PAEP: variants seen among roughly 807,000 people sequenced by gnomAD.
PAEP encodes the protein glycodelin.
Under a neutral mutation model 23.0 loss-of-function variants are expected in PAEP, and 28 were observed. That is an observed-to-expected ratio of 1.22 (90% CI 0.90 to 1.67). The LOEUF is 1.67. Among genes scored for constraint, PAEP ranks in the 40% most tolerant of loss-of-function variants. PAEP has a pLI of 0.00. For missense variants in PAEP, 209 were observed against 226.4 expected, an observed-to-expected ratio of 0.92 and a Z score of 0.49; for synonymous variants, 103 against 92.4, an observed-to-expected ratio of 1.12 and a Z score of -0.66.
At chr9:135,562,620 G>T (rs1008330903) in intron 2 of PAEP, among the ~76,000 whole-genome samples, 187 bp downstream of exon 2, 17 of 152,154 alleles carry the variant, frequency 1.1e-4, no homozygotes, top group Non-Finnish European at 1.9e-4. Flanking sequence ...CTGTCCCCTT[G>T]GATCCCCTGC....
At chr9:135,565,858 G>A (rs1832556416) in intron 6 of PAEP, 57 bp downstream of exon 6, 2 of 1,600,324 alleles carry the variant, frequency 1.2e-6, no homozygotes, top group Non-Finnish European at 1.7e-6. Context: ...CCCACTGTCT[G>A]CGGCTGCCTC....
Position 135,565,309 on chromosome 9 carries a change from G to C in PAEP, c.422-101G>C, listed in dbSNP as rs550272886. The C allele has an allele frequency of 4.1e-5, 40 of 965,914 alleles. No individual in the cohort carries two copies. In the African/African-American group the frequency reaches 5.8e-4, roughly 14 times the overall value. 59.8% of individuals were successfully genotyped at this position (965,914 alleles called of 1,614,324 possible). On this transcript the variant is annotated intron_variant, in intron 4 of 6. Coordinates refer to ENST00000479141, the MANE Select transcript of PAEP (RefSeq NM_002571.4). ...AACTCTGCCAGACCTCGGAGCACTGGGGCCTCCTTCTCTGCCCTCCCTCCT... is the reference window on the plus strand; with the variant it reads ...AACTCTGCCAGACCTCGGAGCACTGCGGCCTCCTTCTCTGCCCTCCCTCCT...
Position 135,565,526 on chromosome 9 carries a change from C to T in PAEP, c.526+12C>T. 1 of 1,605,638 alleles carries T rather than the reference C, an allele frequency of 6.2e-7. No homozygotes were observed. Among genetic ancestry groups the T allele is most frequent in the Non-Finnish European group, 8.5e-7 (1 of 1,172,310 alleles). ...GAAACAGATGGAAGGTGAGCTCTGC[C>T]TAGGACACGCCCAGCCTCAGCTGGA... is the stretch of plus-strand genomic sequence containing the variant. On this transcript the variant is annotated intron_variant, in intron 5 of 6. Transcript: ENST00000479141.
chr9:135,564,499 T>A, intron 4 of PAEP, 145 bp downstream of exon 4: 1 of 1,459,148 alleles, frequency 6.9e-7, no homozygotes, highest in South Asian at 1.5e-5. Context: ...TTTTTATTTG[T>A]TTGTTGTTTG....
rs1832506119 is a variant in PAEP at position 135,564,898 on chromosome 9, C to T, written c.422-512C>T. 45 of 984,042 alleles carry T rather than the reference C, an allele frequency of 4.6e-5. 1 individual carries two copies. Among genetic ancestry groups the T allele is most frequent in the Non-Finnish European group, 5.4e-5 (45 of 828,746 alleles). 61.0% of individuals were successfully genotyped at this position (984,042 alleles called of 1,614,324 possible). ...GACGGTCGCCAGTCAAGGGGCTGGG[C>T]TTGGTGGATAGATTAATACTCACTG... is the stretch of plus-strand genomic sequence containing the variant. On this transcript the variant is annotated intron_variant, in intron 4 of 6. Transcript: ENST00000479141.
chr9:135,564,154 C>T (rs1832464894), intron 3 of PAEP, 90 bp from the exon 4 acceptor site: 2 of 1,514,288 alleles, frequency 1.3e-6, no homozygotes, highest in African/African-American at 1.4e-5. Context: ...GAGGAAGCCA[C>T]TTAGTGTGGT....
intron 5 of PAEP, 29 bp from the exon 6 acceptor site, chr9:135,565,756 C>T: frequency 6.2e-7 from 1 of 1,613,922 alleles, no homozygotes; most frequent in East Asian, 2.2e-5. Flanking sequence ...CTCTCGCTGA[C>T]ACCTCCACTG....
In PAEP at chr9:135,562,359, G is replaced by A. The variant is rs749315616; in HGVS notation, c.162G>A (p.Lys54=). The A allele has an allele frequency of 2.5e-6, 4 of 1,614,142 alleles. No individual in the cohort carries two copies. The highest frequency in any genetic ancestry group is 3.4e-6 in the Non-Finnish European group (4 of 1,180,016). The change falls in exon 2 of 7, where the codon AAG becomes AAA. Residue 54 remains lysine, a synonymous_variant. Coordinates refer to ENST00000479141, the MANE Select transcript of PAEP (RefSeq NM_002571.4). ...TNNISLMATL[K]APLRVHITSL... ...ACATCTCCCTCATGGCGACACTGAA[G>A]GCCCCTCTGAGGGTCCACATCACCT...
At chr9:135,562,248 G>A (rs996064711) in intron 1 of PAEP, 46 bp from the exon 2 acceptor site, 3 of 1,600,174 alleles carry the variant, frequency 1.9e-6, no homozygotes, top group African/African-American at 2.7e-5. Context: ...GGTGCAACGA[G>A]AGCCATGGTG....
At chr9:135,564,881 C>T (rs11103063) in intron 4 of PAEP, 172,921 of 984,812 alleles carry the variant, frequency 0.18, 16,401 homozygotes, top group South Asian at 0.24. Context: ...GGGACGGTCG[C>T]CAGTCAAGGG....
chr9:135,565,582 C>G, intron 5 of PAEP, 68 bp downstream of exon 5: 4 of 1,478,848 alleles, frequency 2.7e-6, no homozygotes, highest in Non-Finnish European at 3.8e-6. Flanking sequence ...AGCCCGAGCC[C>G]CCTGCTGGCT....
intron 3 of PAEP, 100 bp downstream of exon 3, chr9:135,562,993 C>T (rs1447379918): frequency 1.9e-5 from 16 of 849,392 alleles, no homozygotes; most frequent in Admixed American, 5.5e-5. Context: ...GGGGCCTGGC[C>T]TGTCCCCACT....
At chr9:135,564,578 A>G (rs1213360129) in intron 4 of PAEP, 1 of 785,704 alleles carries the variant, frequency 1.3e-6, no homozygotes, top group Non-Finnish European at 1.5e-6. Context: ...ATCTCGGCTC[A>G]CTGCAACTTC....
chr9:135,565,558 G>C lies in PAEP; in HGVS notation c.526+44G>C, dbSNP rs2119046489. ...ACGCCCAGCCTCAGCTGGAGGAGAA[G>C]CTGCCTCTTTCTTAGCCCGAGCCCC... is the stretch of plus-strand genomic sequence containing the variant. On this transcript the variant is annotated intron_variant, in intron 5 of 6. Transcript: ENST00000479141. 1.9e-6 allele frequency: 3 copies of C among 1,564,056 alleles called. No individual in the cohort carries two copies. In the East Asian group the frequency reaches 6.7e-5, roughly 35 times the overall value.
At chr9:135,563,074 T>C in intron 3 of PAEP, 181 bp downstream of exon 3, 1 of 593,784 alleles carries the variant, frequency 1.7e-6, no homozygotes, top group Non-Finnish European at 3.0e-6. Context: ...ATCTTTTACC[T>C]GGAGGGCAGG....
rs898970704 is a variant in PAEP at position 135,566,573 on chromosome 9, G to A, written c.*21G>A. 2.6e-5 allele frequency: 4 copies of A among 154,876 alleles called. No homozygotes were observed. Among genetic ancestry groups the A allele is most frequent in the African/African-American group, 9.6e-5 (4 of 41,468 alleles). The allele number at this position is 154,876 out of a possible 1,614,324, so 9.6% of individuals were successfully genotyped here. A position where few individuals can be genotyped will look rare whatever the true frequency, so the allele number is the denominator to read the frequency against. On this transcript the variant is annotated 3_prime_UTR_variant, in exon 7 of 7. Transcript: ENST00000479141. ...AACAGCTCACCTCCGCCTCCAGGAA[G>A]ACCAGACTCCCACCCTTCCACACCT... is the stretch of plus-strand genomic sequence containing the variant.
chr9:135,564,831 C>T (rs373752450), intron 4 of PAEP: 29 of 985,398 alleles, frequency 2.9e-5, no homozygotes, highest in Middle Eastern at 5.2e-4. Flanking sequence ...AGCGGTTCAT[C>T]GAGTCCTCTG....
At chr9:135,565,603 C>A (rs776262704) in intron 5 of PAEP, 89 bp downstream of exon 5, 1 of 1,403,734 alleles carries the variant, frequency 7.1e-7, no homozygotes, top group Admixed American at 1.7e-5. Context: ...CTGCAGGACT[C>A]AGGTCACTCC....
At chr9:135,565,385 A>G in intron 4 of PAEP, 25 bp from the exon 5 acceptor site, 1 of 1,597,090 alleles carries the variant, frequency 6.3e-7, no homozygotes, top group Middle Eastern at 1.7e-4. Flanking sequence ...CCAGGGGCCC[A>G]GGACTGACCC....
Sources: allele counts gnomAD v4.1 joint callset (sites outside exome capture counted in the v4.1 genomes callset), GRCh38; gene constraint gnomAD v4.1.1; transcripts MANE v1.5; gene names NCBI Gene and HGNC (gene_info 2026-07-23, HGNC 2026-07-21).